Variants in IL1RAPL2 observed in about 807,000 individuals in gnomAD.
IL1RAPL2 encodes interleukin 1 receptor accessory protein like 2, also known as X-linked interleukin-1 receptor accessory protein-like 2.
A neutral mutation model predicts 44.1 loss-of-function variants in IL1RAPL2; 3 were observed. The ratio of observed to expected loss-of-function variants is 0.07; its 90% CI spans 0.03 to 0.18. The LOEUF is 0.18. IL1RAPL2 is among the 10% of genes least tolerant of loss of function. The pLI is 1.00. For missense variants in IL1RAPL2, 391 were observed against 496.4 expected (o/e 0.79, Z 2.02); for synonymous variants, 181 against 178.8 (o/e 1.01, Z -0.10).
chrX:105,030,273 G>T (rs984921845), intron 2 of IL1RAPL2, among the ~76,000 whole-genome samples: 4 of 110,747 alleles, frequency 3.6e-5, no homozygotes, highest in Non-Finnish European at 7.6e-5. Context: ...GTCAATTTTG[G>T]CTTTTGTTGC....
intron 1 of IL1RAPL2, among the ~76,000 whole-genome samples, chrX:104,604,933 T>C (rs1365199981): frequency 1.8e-5 from 2 of 111,037 alleles, no homozygotes; most frequent in Non-Finnish European, 3.8e-5. Flanking sequence ...AACAAGGATA[T>C]ACAGGACTTG....
intron 6 of IL1RAPL2, among the ~76,000 whole-genome samples, chrX:105,642,104 C>A (rs1422177207): frequency 9.1e-6 from 1 of 110,379 alleles, no homozygotes; most frequent in Non-Finnish European, 1.9e-5. Flanking sequence ...TCCTAAATAG[C>A]CCCCAATGGT....
intron 2 of IL1RAPL2, among the ~76,000 whole-genome samples, chrX:105,119,713 A>G (rs1332498239): frequency 9.0e-6 from 1 of 111,572 alleles, no homozygotes; most frequent in Admixed American, 9.5e-5. Context: ...CCACTTAGGC[A>G]GTGTTTGGGG....
At chrX:104,585,327 T>A (rs376956348) in intron 1 of IL1RAPL2, among the ~76,000 whole-genome samples, 178 of 13,920 alleles carry the variant, frequency 0.013, 10 homozygotes, top group African/African-American at 0.054. Flanking sequence ...ATATTATATA[T>A]AATATATATT....
intron 2 of IL1RAPL2, among the ~76,000 whole-genome samples, chrX:104,948,586 C>A (rs1230047103): frequency 1.8e-5 from 2 of 109,821 alleles, no homozygotes; most frequent in African/African-American, 6.6e-5. Flanking sequence ...TTTTGAAATA[C>A]GTCCCATCAA....
intron 2 of IL1RAPL2, among the ~76,000 whole-genome samples, chrX:104,680,497 C>T (rs1320207480): frequency 9.0e-6 from 1 of 111,696 alleles, no homozygotes; most frequent in Non-Finnish European, 1.9e-5. Flanking sequence ...GGAATTTGTA[C>T]TTGGATTAAT....
At chrX:104,743,486 T>C (rs779049353) in intron 2 of IL1RAPL2, among the ~76,000 whole-genome samples, 1 of 110,540 alleles carries the variant, frequency 9.0e-6, no homozygotes, top group Admixed American at 9.7e-5. Flanking sequence ...ATAGTAATAA[T>C]TACCACTGCA....
In IL1RAPL2 at chrX:105,308,803, C is replaced by T. The variant is rs536035551; in HGVS notation, c.697+41262C>T. ...TATTTTCCTTTCTCTTGAATAAATA[C>T]CAAGACATTGAATTGTTGGGACAAA... On this transcript the variant is annotated intron_variant, in intron 5 of 10. Coordinates refer to ENST00000372582, the MANE Select transcript of IL1RAPL2 (RefSeq NM_017416.2). Among the ~76,000 whole-genome samples, 74 of 111,506 alleles carry T rather than the reference C, an allele frequency of 6.6e-4. No homozygotes were observed. The Middle Eastern group carries it at 0.018, about 28-fold the overall frequency.
chrX:105,194,160 A>G (rs1439958993), intron 2 of IL1RAPL2, among the ~76,000 whole-genome samples: 1 of 112,168 alleles, frequency 8.9e-6, no homozygotes, highest in Non-Finnish European at 1.9e-5. Flanking sequence ...ATAATCCCTC[A>G]TATAGAGAAA....
At chrX:105,593,393 T>A (rs2037187062) in intron 6 of IL1RAPL2, among the ~76,000 whole-genome samples, 1 of 111,907 alleles carries the variant, frequency 8.9e-6, no homozygotes, top group Non-Finnish European at 1.9e-5. Context: ...ATTTTGATAA[T>A]TTTCATTCCT....
chrX:104,645,749 T>C (rs1930024954), intron 1 of IL1RAPL2, among the ~76,000 whole-genome samples: 1 of 112,753 alleles, frequency 8.9e-6, no homozygotes, highest in Non-Finnish European at 1.9e-5. Context: ...ATTCCTATCA[T>C]AGGCATACAT....
intron 2 of IL1RAPL2, among the ~76,000 whole-genome samples, chrX:104,909,270 A>T (rs1207782970): frequency 8.1e-5 from 9 of 111,368 alleles, no homozygotes; most frequent in Admixed American, 3.8e-4. Flanking sequence ...AGTTTTCAAC[A>T]TCTTTGCCTT....
chrX:105,670,290 T>C (rs1484845859), intron 6 of IL1RAPL2, among the ~76,000 whole-genome samples: 1 of 102,339 alleles, frequency 9.8e-6, no homozygotes, highest in African/African-American at 3.6e-5. Context: ...AAATTTAGTG[T>C]AATCTTGTCT....
intron 5 of IL1RAPL2, among the ~76,000 whole-genome samples, chrX:105,480,497 T>A (rs5962536): frequency 0.26 from 28,448 of 111,339 alleles, 7,801 homozygotes; most frequent in African/African-American, 0.83. Context: ...AGTGCATTGG[T>A]GAAATTGTAC....
intron 2 of IL1RAPL2, among the ~76,000 whole-genome samples, chrX:104,704,733 GATTT>G (rs1374508241): frequency 3.6e-5 from 4 of 111,703 alleles, no homozygotes; most frequent in African/African-American, 1.3e-4. Context: ...TACTCTAATA[GATTT>G]ATTAGGTATG....
chrX:104,676,297 G>A (rs1273358656), intron 2 of IL1RAPL2, among the ~76,000 whole-genome samples: 1 of 111,191 alleles, frequency 9.0e-6, no homozygotes, highest in African/African-American at 3.3e-5. Context: ...CAGGGCTGGT[G>A]GTGACAAAAT....
chrX:104,602,691 G>A (rs1036898030), intron 1 of IL1RAPL2, among the ~76,000 whole-genome samples: 5 of 111,206 alleles, frequency 4.5e-5, no homozygotes, highest in Non-Finnish European at 7.5e-5. Flanking sequence ...GCAGTATTAC[G>A]CTCACAGTGT....
intron 2 of IL1RAPL2, among the ~76,000 whole-genome samples, chrX:104,884,122 T>C (rs781656260): frequency 9.1e-6 from 1 of 110,128 alleles, no homozygotes; most frequent in Non-Finnish European, 1.9e-5. Flanking sequence ...AGGGTGCAGG[T>C]TTTTGAGAAT....
intron 5 of IL1RAPL2, among the ~76,000 whole-genome samples, chrX:105,447,296 TATATATATAAATATAA>T (rs1489206295): frequency 1.3e-4 from 7 of 54,979 alleles, no homozygotes; most frequent in African/African-American, 4.6e-4. Context: ...TAAATATAAA[TATATATATAAATATAA>T]ATATATATAA....
Sources: allele counts gnomAD v4.1 joint callset (sites outside exome capture counted in the v4.1 genomes callset), GRCh38; gene constraint gnomAD v4.1.1; transcripts MANE v1.5; gene names NCBI Gene and HGNC (gene_info 2026-07-23, HGNC 2026-07-21).